Variants in MAGI1 observed in about 807,000 individuals in gnomAD.
MAGI1 encodes membrane-associated guanylate kinase, WW and PDZ domain-containing protein 1.
In MAGI1, 58 loss-of-function variants were observed where a neutral mutation model predicts 139.9. The observed-to-expected ratio is 0.41, with a 90% CI of 0.34 to 0.52. The LOEUF (loss-of-function observed/expected upper bound fraction) is 0.52. Among genes scored for constraint, MAGI1 ranks in the 20% least tolerant of loss-of-function variants. MAGI1 has a pLI of 0.12. For synonymous variants in MAGI1, 812 were observed against 737.9 expected, an observed-to-expected ratio of 1.10 and a Z score of -1.63; for missense variants, 1,874 against 1,901.6, an observed-to-expected ratio of 0.99 and a Z score of 0.27.
At chr3:65,684,868 A>AT (rs761948943) in intron 1 of MAGI1, among the ~76,000 whole-genome samples, 5,036 of 98,134 alleles carry the variant, frequency 0.051, 817 homozygotes, top group African/African-American at 0.18. Context: ...CACCTGGCTA[A>AT]TTTTTTTTTT....
intron 1 of MAGI1, among the ~76,000 whole-genome samples, chr3:65,654,753 G>C (rs566942800): frequency 6.6e-6 from 1 of 152,204 alleles, no homozygotes; most frequent in East Asian, 1.9e-4. Flanking sequence ...TATGGGTCTT[G>C]GTCAGGGCAT....
chr3:65,587,473 T>A (rs1047899711), intron 2 of MAGI1, among the ~76,000 whole-genome samples: 1 of 143,230 alleles, frequency 7.0e-6, no homozygotes, highest in Admixed American at 7.1e-5. Flanking sequence ...TTATTATTAC[T>A]TTTTTCTTTT....
intron 2 of MAGI1, among the ~76,000 whole-genome samples, chr3:65,522,742 A>G (rs1363794099): frequency 6.6e-6 from 1 of 152,168 alleles, no homozygotes. Flanking sequence ...CCCAAAGTAA[A>G]TGCTTCAAAG....
intron 1 of MAGI1, among the ~76,000 whole-genome samples, chr3:65,786,839 T>C (rs1158894189): frequency 6.6e-6 from 1 of 151,966 alleles, no homozygotes; most frequent in Non-Finnish European, 1.5e-5. Context: ...ATGTTCTCGA[T>C]TTCCTGACCT....
At chr3:65,766,835 G>A (rs1233696387) in intron 1 of MAGI1, among the ~76,000 whole-genome samples, 1 of 151,654 alleles carries the variant, frequency 6.6e-6, no homozygotes, top group Non-Finnish European at 1.5e-5. Flanking sequence ...GTTGCAGTGA[G>A]CCGAGATCAC....
intron 1 of MAGI1, among the ~76,000 whole-genome samples, chr3:66,012,221 G>C (rs1273057145): frequency 1.3e-5 from 2 of 152,070 alleles, no homozygotes; most frequent in East Asian, 3.9e-4. Context: ...AAACTTTTAA[G>C]TAAACTTTTC....
intron 1 of MAGI1, among the ~76,000 whole-genome samples, chr3:65,758,986 C>T (rs2036779561): frequency 1.4e-5 from 2 of 147,206 alleles, no homozygotes; most frequent in African/African-American, 5.1e-5. Context: ...CCATCTAATC[C>T]TTGCAAGCTT....
intron 1 of MAGI1, among the ~76,000 whole-genome samples, chr3:65,728,717 C>T (rs566370826): frequency 6.6e-6 from 1 of 152,124 alleles, no homozygotes; most frequent in East Asian, 1.9e-4. Context: ...AAAGAAAAAA[C>T]CGTATTTTTT....
chr3:65,788,620 C>G (rs1467815673), intron 1 of MAGI1, among the ~76,000 whole-genome samples: 1 of 152,182 alleles, frequency 6.6e-6, no homozygotes, highest in Admixed American at 6.5e-5. Flanking sequence ...GCAATAAAAT[C>G]ATCTCTACGG....
chr3:65,834,314 G>A (rs1292524589), intron 1 of MAGI1, among the ~76,000 whole-genome samples: 1 of 152,200 alleles, frequency 6.6e-6, no homozygotes, highest in African/African-American at 2.4e-5. Flanking sequence ...TGAGGGAAGA[G>A]CATTCCACAC....
chr3:65,883,485 T>C (rs1255069144), intron 1 of MAGI1, among the ~76,000 whole-genome samples: 9 of 152,196 alleles, frequency 5.9e-5, no homozygotes. Flanking sequence ...TCACAACAAT[T>C]ATAACAAAGA....
At chr3:66,022,504 C>T (rs142229658) in intron 1 of MAGI1, among the ~76,000 whole-genome samples, 2 of 152,204 alleles carry the variant, frequency 1.3e-5, no homozygotes, top group East Asian at 3.9e-4. Context: ...ATAAATGTGG[C>T]TCATAGATTC....
intron 1 of MAGI1, among the ~76,000 whole-genome samples, chr3:65,632,660 C>A (rs1463893546): frequency 1.3e-5 from 2 of 152,286 alleles, no homozygotes; most frequent in Non-Finnish European, 2.9e-5. Context: ...TGAGAGTGCA[C>A]ATGAACTCTA....
intron 1 of MAGI1, among the ~76,000 whole-genome samples, chr3:65,954,004 T>TA (rs923385278): frequency 1.1e-4 from 17 of 152,206 alleles, no homozygotes; most frequent in African/African-American, 2.9e-4. Context: ...TCTAAAATGA[T>TA]AGAGTCCCAG....
At chr3:65,924,827 T>C (rs1171548291) in intron 1 of MAGI1, 2 of 152,306 alleles carry the variant, frequency 1.3e-5, no homozygotes, top group African/African-American at 4.8e-5. Flanking sequence ...CCATGTAAAG[T>C]ACTCACAGTC....
chr3:65,732,927 G>A (rs1425643200), intron 1 of MAGI1, among the ~76,000 whole-genome samples: 1 of 152,214 alleles, frequency 6.6e-6, no homozygotes, highest in Admixed American at 6.5e-5. Flanking sequence ...AGGGAATGAT[G>A]AGGACTGTGG....
intron 1 of MAGI1, among the ~76,000 whole-genome samples, chr3:65,951,418 G>A (rs757831533): frequency 1.5e-4 from 23 of 152,130 alleles, no homozygotes; most frequent in Non-Finnish European, 2.9e-5. Flanking sequence ...TTTGTTAAAC[G>A]TAAAAACAGA....
intron 2 of MAGI1, among the ~76,000 whole-genome samples, chr3:65,510,283 A>ATG (rs2077516211): frequency 6.6e-6 from 1 of 152,244 alleles, no homozygotes; most frequent in Non-Finnish European, 1.5e-5. Context: ...CCTCACCAGC[A>ATG]ACGGAACAAA....
intron 1 of MAGI1, chr3:65,874,595 G>T (rs1010998810): frequency 3.9e-5 from 6 of 152,304 alleles, no homozygotes; most frequent in African/African-American, 1.4e-4. Context: ...CCTTTGATTG[G>T]TGTACAAAGA....
Sources: gnomAD v4.1 joint callset for allele counts (sites outside exome capture counted in the v4.1 genomes callset) on GRCh38, gnomAD v4.1.1 for gene constraint, MANE v1.5 for transcripts, NCBI Gene and HGNC (gene_info 2026-07-23, HGNC 2026-07-21) for gene names.